Variants in KIAA1549L observed in about 807,000 individuals in gnomAD.
The protein encoded by KIAA1549L is UPF0606 protein KIAA1549L.
In KIAA1549L, 88 loss-of-function variants were observed where a neutral mutation model predicts 160.7. That is an observed-to-expected ratio of 0.55 (90% CI 0.46 to 0.65). The LOEUF is 0.65. Among genes scored for constraint, KIAA1549L ranks in the 30% least tolerant of loss-of-function variants. The pLI is 0.00. For missense variants in KIAA1549L, 2,258 were observed against 2,437.5 expected, an observed-to-expected ratio of 0.93 and a Z score of 1.55; for synonymous variants, 950 against 976.7, an observed-to-expected ratio of 0.97 and a Z score of 0.51.
intron 1 of KIAA1549L, among the ~76,000 whole-genome samples, chr11:33,443,976 CAT>C (rs750635183): frequency 6.6e-6 from 1 of 152,200 alleles, no homozygotes; most frequent in Non-Finnish European, 1.5e-5. Flanking sequence ...ATGATAACCA[CAT>C]GTTACCTTGG....
chr11:33,646,680 C>T (rs1851732918), intron 17 of KIAA1549L, among the ~76,000 whole-genome samples: 1 of 152,256 alleles, frequency 6.6e-6, no homozygotes, highest in Non-Finnish European at 1.5e-5. Context: ...ACACAAAATA[C>T]TTGTGCGAGG....
rs192422307 is a variant in KIAA1549L at position 33,395,129 on chromosome 11, G to A, written c.238+18240G>A. Among the ~76,000 whole-genome samples, 202 of 152,300 alleles carry A rather than the reference G, an allele frequency of 1.3e-3. 2 individuals are homozygous for A. Among genetic ancestry groups the A allele is most frequent in the African/African-American group, 4.4e-3 (181 of 41,564 alleles). On this transcript the variant is annotated intron_variant, in intron 1 of 20. Transcript: ENST00000658780. Reference sequence around the variant, plus strand: ...CAATCCCTGCTTTTAACAGCAACAGGCTTTGGAGATAAGGAAACCTAGGTT... The same window carrying A: ...CAATCCCTGCTTTTAACAGCAACAGACTTTGGAGATAAGGAAACCTAGGTT...
Position 33,614,555 on chromosome 11 carries a change from TATATATATATATATATATATATATATATA to T in KIAA1549L, c.5280-3977_5280-3949del, listed in dbSNP as rs1564924776. ...AGATATATATATATATATATATATA[TATATATATATATATATATATATATATATA>T]TTTTTTTTTTTTTTTTTTTTTTTTT... On this transcript the variant is annotated intron_variant, in intron 15 of 20. Coordinates refer to ENST00000658780, the MANE Select transcript of KIAA1549L (RefSeq NM_012194.3). Among the ~76,000 whole-genome samples the T allele has an allele frequency of 8.1e-3, 114 of 14,016 alleles. 3 individuals carry two copies. The highest frequency in any genetic ancestry group is 0.018 in the African/African-American group (34 of 1,892). 9.2% of individuals were successfully genotyped at this position (14,016 alleles called of 152,430 possible).
At chr11:33,657,366 C>T (rs549356785) in intron 18 of KIAA1549L, among the ~76,000 whole-genome samples, 3 of 152,294 alleles carry the variant, frequency 2.0e-5, no homozygotes, top group East Asian at 1.9e-4. Context: ...GGCCCCTCCA[C>T]GCCATTTGCT....
chr11:33,529,065 G>A (rs1853680417), intron 1 of KIAA1549L, among the ~76,000 whole-genome samples: 1 of 152,190 alleles, frequency 6.6e-6, no homozygotes. Context: ...GCTAGGCATG[G>A]TGGCTTATGC....
chr11:33,584,111 A>G (rs1354117194), intron 11 of KIAA1549L, among the ~76,000 whole-genome samples: 1 of 152,210 alleles, frequency 6.6e-6, no homozygotes, highest in East Asian at 1.9e-4. Context: ...GACACAAGAC[A>G]TTGGCAGCCT....
At chr11:33,532,745 A>G (rs1168677104) in intron 1 of KIAA1549L, among the ~76,000 whole-genome samples, 1 of 152,216 alleles carries the variant, frequency 6.6e-6, no homozygotes, top group African/African-American at 2.4e-5. Context: ...AAGAGCTATT[A>G]GTGATCTAGT....
chr11:33,663,565 G>A (rs1318901665), intron 20 of KIAA1549L, among the ~76,000 whole-genome samples: 1 of 152,222 alleles, frequency 6.6e-6, no homozygotes, highest in Non-Finnish European at 1.5e-5. Context: ...ATACCATAGA[G>A]CTGAGGGGTC....
intron 1 of KIAA1549L, among the ~76,000 whole-genome samples, chr11:33,499,351 A>T (rs1852891881): frequency 6.6e-6 from 1 of 152,220 alleles, no homozygotes; most frequent in Non-Finnish European, 1.5e-5. Context: ...ACTTGTGTAC[A>T]AACTCTCATA....
chr11:33,565,810 G>C (rs565626643), intron 8 of KIAA1549L, among the ~76,000 whole-genome samples: 2 of 151,830 alleles, frequency 1.3e-5, no homozygotes, highest in Non-Finnish European at 2.9e-5. Flanking sequence ...TTGAGCCCGG[G>C]AGTTTGAGAC....
chr11:33,423,750 G>A (rs945565522), intron 1 of KIAA1549L, among the ~76,000 whole-genome samples: 2 of 152,250 alleles, frequency 1.3e-5, no homozygotes, highest in African/African-American at 4.8e-5. Flanking sequence ...ACAGAAGGCT[G>A]AGTGCGGTGG....
rs185299667 is a variant in KIAA1549L, at chr11:33,646,092, C to G, written c.5760+56C>G. The stretch of plus-strand genomic sequence containing the variant: ...ATCTGGTCAGTCTGCCCAGTGAGTT[C>G]CAACAGGAGACTCAGAGCAGGGGCT... On this transcript the variant is annotated intron_variant, in intron 17 of 20. Transcript: ENST00000658780. 9.0e-6 allele frequency: 12 copies of G among 1,338,838 alleles called. No homozygotes were observed. In the Admixed American group the frequency reaches 2.7e-4, roughly 30 times the overall value. The allele number at this position is 1,338,838 out of a possible 1,614,324, so 82.9% of individuals were successfully genotyped here. A position where few individuals can be genotyped will look rare whatever the true frequency, so the allele number is the denominator to read the frequency against.
chr11:33,644,918 C>T (rs945473432), intron 16 of KIAA1549L, among the ~76,000 whole-genome samples: 4 of 152,250 alleles, frequency 2.6e-5, no homozygotes, highest in Non-Finnish European at 5.9e-5. Flanking sequence ...CAGACACTTA[C>T]GAAGCAAGCA....
At chr11:33,475,283 C>G (rs1852260706) in intron 1 of KIAA1549L, among the ~76,000 whole-genome samples, 1 of 152,104 alleles carries the variant, frequency 6.6e-6, no homozygotes, top group Admixed American at 6.6e-5. Context: ...TTTTACTTAG[C>G]CTTGTTCTAG....
chr11:33,583,755 G>GTTTTTTTTTTTTTTATTTTT (rs1855722683), intron 11 of KIAA1549L, among the ~76,000 whole-genome samples: 1 of 152,182 alleles, frequency 6.6e-6, no homozygotes, highest in Non-Finnish European at 1.5e-5. Context: ...CTTGGAGGAA[G>GTTTTTTTTTTTTTTATTTTT]TACTATTATT....
chr11:33,419,893 CATACATACATACAT>C (rs151249013), intron 1 of KIAA1549L, among the ~76,000 whole-genome samples: 6,807 of 110,614 alleles, frequency 0.062, 519 homozygotes, highest in African/African-American at 0.17. Context: ...TACATACATA[CATACATACATACAT>C]ATATATATAT....
intron 1 of KIAA1549L, among the ~76,000 whole-genome samples, chr11:33,521,007 A>G (rs1853479342): frequency 6.6e-6 from 1 of 152,088 alleles, no homozygotes; most frequent in Non-Finnish European, 1.5e-5. Context: ...TACAAAAAAA[A>G]AAGTACAAAA....
chr11:33,647,447 G>C (rs1851757557), intron 17 of KIAA1549L, among the ~76,000 whole-genome samples: 1 of 149,776 alleles, frequency 6.7e-6, no homozygotes, highest in African/African-American at 2.5e-5. Context: ...TTCCATATTT[G>C]AAAAAGCATC....
At chr11:33,661,037 C>G (rs377529467) in intron 20 of KIAA1549L, 23 bp downstream of exon 20, 1 of 1,589,080 alleles carries the variant, frequency 6.3e-7, no homozygotes, top group South Asian at 1.1e-5. Context: ...CTCTTCACCT[C>G]ATAAAACTTT....
Sources: allele counts gnomAD v4.1 joint callset (sites outside exome capture counted in the v4.1 genomes callset), GRCh38; gene constraint gnomAD v4.1.1; transcripts MANE v1.5; gene names NCBI Gene and HGNC (gene_info 2026-07-23, HGNC 2026-07-21).